The following ZBTB20 variants were observed in gnomAD, a reference collection of about 807,000 sequenced individuals.
ZBTB20 encodes the protein zinc finger and BTB domain-containing protein 20.
A neutral mutation model predicts 56.9 loss-of-function variants in ZBTB20; 9 were observed. The ratio of observed to expected loss-of-function variants is 0.16; its 90% CI spans 0.10 to 0.28. The LOEUF is 0.28. Ranked by LOEUF, ZBTB20 falls within the 10% of genes least tolerant of loss-of-function variation. The probability of loss-of-function intolerance (pLI) is 1.00; values close to 1 mark genes in which losing one functional copy is unlikely to be tolerated. For missense variants in ZBTB20, 655 were observed against 1,003.0 expected, an observed-to-expected ratio of 0.65 and a Z score of 4.69; for synonymous variants, 417 against 420.7, an observed-to-expected ratio of 0.99 and a Z score of 0.11.
At chr3:114,738,185 A>G (rs1005564509) in intron 5 of ZBTB20, among the ~76,000 whole-genome samples, 5 of 152,102 alleles carry the variant, frequency 3.3e-5, no homozygotes, top group African/African-American at 1.2e-4. Context: ...AATTTGATAT[A>G]AATATACTAG....
intron 1 of ZBTB20, among the ~76,000 whole-genome samples, chr3:115,119,504 GTATAA>G (rs200973163): frequency 0.015 from 2,327 of 152,152 alleles, 33 homozygotes; most frequent in South Asian, 0.05. Flanking sequence ...ACAAAACCCT[GTATAA>G]TATATCTTAT....
At chr3:114,992,793 G>GA (rs199887157) in intron 2 of ZBTB20, among the ~76,000 whole-genome samples, 32 of 150,048 alleles carry the variant, frequency 2.1e-4, no homozygotes, top group Non-Finnish European at 3.1e-4. Flanking sequence ...GGTTCTGGGG[G>GA]AAAAAAAAAC....
At chr3:114,500,708 C>T (rs2043846257) in intron 6 of ZBTB20, among the ~76,000 whole-genome samples, 1 of 152,086 alleles carries the variant, frequency 6.6e-6, no homozygotes. Context: ...AGCTATGTTA[C>T]CATTTAACAA....
chr3:114,968,623 A>G (rs2077746423), intron 3 of ZBTB20, among the ~76,000 whole-genome samples: 1 of 152,158 alleles, frequency 6.6e-6, no homozygotes. Context: ...TATACACCCA[A>G]TGAGAAAAAA....
At chr3:114,698,962 C>G (rs2063225277) in intron 5 of ZBTB20, among the ~76,000 whole-genome samples, 1 of 152,018 alleles carries the variant, frequency 6.6e-6, no homozygotes, top group African/African-American at 2.4e-5. Flanking sequence ...AAAGAATGCA[C>G]TAGAAAGGCC....
chr3:115,021,078 T>A (rs1343636116), intron 2 of ZBTB20, among the ~76,000 whole-genome samples: 1 of 151,022 alleles, frequency 6.6e-6, no homozygotes, highest in Non-Finnish European at 1.5e-5. Flanking sequence ...ACTTTTAATT[T>A]ACATTAATGG....
chr3:114,860,045 A>C (rs1022793926), intron 4 of ZBTB20, among the ~76,000 whole-genome samples: 1 of 152,158 alleles, frequency 6.6e-6, no homozygotes, highest in African/African-American at 2.4e-5. Context: ...GCGGTGGCTC[A>C]CACCTGTAAT....
At chr3:115,127,205 A>C (rs1576817506) in intron 1 of ZBTB20, among the ~76,000 whole-genome samples, 1 of 152,348 alleles carries the variant, frequency 6.6e-6, no homozygotes, top group Middle Eastern at 3.4e-3. Flanking sequence ...GATTGAGACT[A>C]TTCAAGGCAA....
intron 6 of ZBTB20, among the ~76,000 whole-genome samples, chr3:114,669,275 A>T (rs2061230692): frequency 6.6e-6 from 1 of 152,030 alleles, no homozygotes; most frequent in Admixed American, 6.6e-5. Flanking sequence ...CCCTGTGCTA[A>T]ACTAACATCT....
intron 1 of ZBTB20, among the ~76,000 whole-genome samples, chr3:115,088,250 A>G (rs1389842235): frequency 2.0e-5 from 3 of 151,896 alleles, no homozygotes; most frequent in Non-Finnish European, 4.4e-5. Context: ...AAAGTTCTTC[A>G]CTTTGGGTTT....
chr3:114,579,874 T>C (rs1429376638), intron 6 of ZBTB20, among the ~76,000 whole-genome samples: 1 of 151,694 alleles, frequency 6.6e-6, no homozygotes, highest in Non-Finnish European at 1.5e-5. Flanking sequence ...ATTTCCTCTG[T>C]GGTTATTGGT....
At chr3:114,408,931 C>T (rs1409962285) in intron 7 of ZBTB20, among the ~76,000 whole-genome samples, 4 of 152,012 alleles carry the variant, frequency 2.6e-5, no homozygotes, top group Non-Finnish European at 5.9e-5. Context: ...AGCGCTCGTC[C>T]GCCGTCCGCT....
At chr3:114,479,718 A>T (rs1367545153) in intron 7 of ZBTB20, among the ~76,000 whole-genome samples, 70 of 152,360 alleles carry the variant, frequency 4.6e-4, no homozygotes, top group Non-Finnish European at 1.0e-4. Context: ...AAATACAGCC[A>T]CATAATTTGT....
chr3:114,521,138 A>G (rs2046593772), intron 6 of ZBTB20, among the ~76,000 whole-genome samples: 1 of 152,192 alleles, frequency 6.6e-6, no homozygotes, highest in Non-Finnish European at 1.5e-5. Flanking sequence ...GTCTTAATAT[A>G]GCAATTTTTG....
At chr3:114,655,286 C>T (rs2060343906) in intron 6 of ZBTB20, among the ~76,000 whole-genome samples, 1 of 119,464 alleles carries the variant, frequency 8.4e-6, no homozygotes, top group Non-Finnish European at 1.6e-5. Context: ...CGCTTTGTCG[C>T]CCAGGCCAGA....
At chr3:114,419,908 T>C (rs1559765448) in intron 7 of ZBTB20, among the ~76,000 whole-genome samples, 1 of 152,100 alleles carries the variant, frequency 6.6e-6, no homozygotes, top group African/African-American at 2.4e-5. Context: ...TGTGAGTAGA[T>C]GTACACTTGA....
intron 7 of ZBTB20, among the ~76,000 whole-genome samples, chr3:114,452,809 A>G (rs1212482732): frequency 6.6e-6 from 1 of 152,180 alleles, no homozygotes; most frequent in African/African-American, 2.4e-5. Flanking sequence ...TTTTCTACTT[A>G]GCAAAACAGT....
intron 1 of ZBTB20, among the ~76,000 whole-genome samples, chr3:115,091,580 A>C (rs2083193681): frequency 6.6e-6 from 1 of 151,900 alleles, no homozygotes; most frequent in African/African-American, 2.4e-5. Flanking sequence ...GAAGAAGGTA[A>C]TTTATAAAGG....
intron 5 of ZBTB20, among the ~76,000 whole-genome samples, chr3:114,732,956 CAG>C (rs933416053): frequency 3.3e-5 from 5 of 152,034 alleles, no homozygotes; most frequent in African/African-American, 1.2e-4. Context: ...GCAAGATCAA[CAG>C]ATAAAAGTAA....
Sources: allele counts gnomAD v4.1 joint callset (sites outside exome capture counted in the v4.1 genomes callset), GRCh38; gene constraint gnomAD v4.1.1; transcripts MANE v1.5; gene names NCBI Gene and HGNC (gene_info 2026-07-23, HGNC 2026-07-21).